PPP2R5C: variants seen among roughly 807,000 people sequenced by gnomAD.
PPP2R5C encodes the protein protein phosphatase 2 regulatory subunit B'gamma.
Under a neutral mutation model 68.9 loss-of-function variants are expected in PPP2R5C, and 7 were observed. The observed-to-expected ratio is 0.10, with a 90% CI of 0.06 to 0.19. The LOEUF (loss-of-function observed/expected upper bound fraction) is 0.19. Among genes scored for constraint, PPP2R5C ranks in the 10% least tolerant of loss-of-function variants. The pLI is 1.00. For missense variants in PPP2R5C, 348 were observed against 641.3 expected (o/e 0.54, Z 4.94); for synonymous variants, 210 against 222.2 (o/e 0.95, Z 0.49).
At chr14:101,901,784 C>T (rs113999401) in exon 9 of PPP2R5C, 80 of 1,613,860 alleles carry the variant, frequency 5.0e-5, no homozygotes, top group East Asian at 4.9e-4. Context: ...TGTTCTTAAA[C>T]GAATTAGAAG....
intron 3 of PPP2R5C, among the ~76,000 whole-genome samples, chr14:101,794,339 G>A (rs1267291332): frequency 6.6e-6 from 1 of 152,182 alleles, no homozygotes; most frequent in Non-Finnish European, 1.5e-5. Context: ...TGATATTACT[G>A]CAAACAGTTG....
chr14:101,764,883 G>A lies in PPP2R5C; in HGVS notation c.93+1913G>A, dbSNP rs141467819. Among the ~76,000 whole-genome samples the A allele has an allele frequency of 1.8e-3, 263 of 145,508 alleles. 1 individual carries two copies. Among genetic ancestry groups the A allele is most frequent in the African/African-American group, 5.9e-3 (230 of 38,850 alleles). On this transcript the variant is annotated intron_variant, in intron 2 of 14. Coordinates refer to the PPP2R5C transcript ENST00000328724. ...CTCCCCAGAGCTTTCTTGCTAATGT[G>A]CCTATATCCTCTTACTTTAGCTATA...
intron 12 of PPP2R5C, 181 bp downstream of exon 14, chr14:101,912,654 C>T: frequency 8.0e-7 from 1 of 1,251,586 alleles, no homozygotes; most frequent in Non-Finnish European, 1.0e-6. Context: ...ACTTATTTTG[C>T]CCCATATCGT....
rs117122757 is a variant in PPP2R5C at position 101,845,311 on chromosome 14, G to A, written c.95-11375G>A. ...TCATGACTTTACCATGTTCTGATTT[G>A]GCAGAGTCTGAACCGGGAGTCAGTT... On this transcript the variant is annotated intron_variant, in intron 1 of 13. Transcript: ENST00000334743. 5.6e-3 allele frequency among the ~76,000 whole-genome samples: 855 copies of A among 152,220 alleles called. 5 individuals carry two copies. The highest frequency in any genetic ancestry group is 8.8e-3 in the Non-Finnish European group (597 of 68,006).
chr14:101,762,125 C>A (rs186346704), intron 1 of PPP2R5C, among the ~76,000 whole-genome samples: 4,330 of 150,798 alleles, frequency 0.029, 105 homozygotes, highest in East Asian at 0.15. Flanking sequence ...CCGGGGATCG[C>A]GCCGGAGCCG....
intron 8 of PPP2R5C, among the ~76,000 whole-genome samples, chr14:101,896,743 G>A (rs1300401516): frequency 6.6e-6 from 1 of 151,094 alleles, no homozygotes; most frequent in Non-Finnish European, 1.5e-5. Flanking sequence ...GAGTATCAAA[G>A]TAAGGAATGT....
At chr14:101,782,707 G>C (rs1426440954) in intron 2 of PPP2R5C, among the ~76,000 whole-genome samples, 2 of 5,982 alleles carry the variant, frequency 3.3e-4, no homozygotes. Flanking sequence ...TCTCCCCTCT[G>C]TCTCTTTCTC....
chr14:101,775,161 C>G (rs1382114423), intron 2 of PPP2R5C, among the ~76,000 whole-genome samples: 2 of 152,142 alleles, frequency 1.3e-5, no homozygotes, highest in Non-Finnish European at 2.9e-5. Flanking sequence ...TTTTGTTTGA[C>G]TCTATTCACC....
Position 101,782,000 on chromosome 14 carries a change from C to T in PPP2R5C, c.94-4018C>T, listed in dbSNP as rs969387513. Reference sequence around the variant, plus strand: ...CCCTCTCTCTCTCCTTCCCTCATTCCCTTCATCCTTCTCTCCCTGTGTGCC... The same window carrying T: ...CCCTCTCTCTCTCCTTCCCTCATTCTCTTCATCCTTCTCTCCCTGTGTGCC... On this transcript the variant is annotated intron_variant, in intron 2 of 14. Transcript: ENST00000328724. This position sits in a 1 kb window ranked among gnomAD's most constrained non-coding sequence, Gnocchi z 6.4. Among the ~76,000 whole-genome samples the T allele has an allele frequency of 4.6e-5, 7 of 150,640 alleles. No individual in the cohort carries two copies. The highest frequency in any genetic ancestry group is 1.5e-5 in the Non-Finnish European group (1 of 67,440).
chr14:101,812,400 G>A (rs947852137), intron 1 of PPP2R5C, among the ~76,000 whole-genome samples: 4 of 152,176 alleles, frequency 2.6e-5, no homozygotes, highest in African/African-American at 4.8e-5. Context: ...CTGCTCACTC[G>A]GATGGGGTGG....
At chr14:101,768,311 CAGT>C (rs2036963064) in intron 2 of PPP2R5C, among the ~76,000 whole-genome samples, 1 of 152,220 alleles carries the variant, frequency 6.6e-6, no homozygotes, top group Admixed American at 6.5e-5. Flanking sequence ...TTTAGAACAG[CAGT>C]GAGTGCTCAC....
intron 1 of PPP2R5C, among the ~76,000 whole-genome samples, chr14:101,828,877 T>C (rs73356837): frequency 0.23 from 34,607 of 151,894 alleles, 4,523 homozygotes; most frequent in African/African-American, 0.36. Flanking sequence ...CGGGGTTTCA[T>C]TATGCTGGCC....
intron 2 of PPP2R5C, among the ~76,000 whole-genome samples, chr14:101,772,527 G>A (rs2037204564): frequency 6.6e-6 from 1 of 152,176 alleles, no homozygotes; most frequent in Admixed American, 6.5e-5. Context: ...GGGTGCAGTG[G>A]CTCACGCCTG....
At chr14:101,761,707 C>T, upstream of PPP2R5C, 9 of 556,312 alleles carry the variant, frequency 1.6e-5, no homozygotes, top group Non-Finnish European at 2.0e-5. Context: ...GCCGCCGCCG[C>T]CGCCGCCGTG....
At chr14:101,764,038 C>CGCGCGCGGGT (rs140548459) in intron 2 of PPP2R5C, among the ~76,000 whole-genome samples, 387 of 152,008 alleles carry the variant, frequency 2.5e-3, no homozygotes, top group African/African-American at 9.0e-3. Flanking sequence ...TGGGCGCGCG[C>CGCGCGCGGGT]ACTTGCGCGT....
intron 1 of PPP2R5C, among the ~76,000 whole-genome samples, chr14:101,845,135 G>GT (rs1241918672): frequency 7.2e-4 from 98 of 135,194 alleles, no homozygotes; most frequent in African/African-American, 2.6e-3. Context: ...ACCTTTCCCT[G>GT]TTTAAAAAAA....
chr14:101,858,406 T>C (rs1173624698), intron 2 of PPP2R5C, among the ~76,000 whole-genome samples: 2 of 152,116 alleles, frequency 1.3e-5, no homozygotes, highest in Non-Finnish European at 2.9e-5. Flanking sequence ...AAGCATAGAA[T>C]CCGTAATGAT....
chr14:101,848,565 A>C (rs2041973060), intron 1 of PPP2R5C, among the ~76,000 whole-genome samples: 1 of 151,894 alleles, frequency 6.6e-6, no homozygotes, highest in Non-Finnish European at 1.5e-5. Context: ...AAAGAAAGAA[A>C]CTGTTGGGAT....
chr14:101,907,915 C>T (rs1356459973), intron 10 of PPP2R5C, among the ~76,000 whole-genome samples: 1 of 152,192 alleles, frequency 6.6e-6, no homozygotes, highest in Non-Finnish European at 1.5e-5. Flanking sequence ...GCCAGACCCC[C>T]GAGCGAGCGT....
Sources: gnomAD v4.1 joint callset for allele counts (sites outside exome capture counted in the v4.1 genomes callset) on GRCh38, gnomAD v4.1.1 for gene constraint, Gnocchi (gnomAD v3.1) non-coding constraint, MANE v1.5 for transcripts, NCBI Gene and HGNC (gene_info 2026-07-23, HGNC 2026-07-21) for gene names.